SLC12A6: variants seen among roughly 807,000 people sequenced by gnomAD.
SLC12A6 encodes solute carrier family 12 member 6, also known as K-Cl cotransporter 3.
In SLC12A6, 66 loss-of-function variants were observed where a neutral mutation model predicts 135.3. The observed-to-expected ratio is 0.49, with a 90% CI of 0.40 to 0.60. The LOEUF is 0.60. Among genes scored for constraint, SLC12A6 ranks in the 20% least tolerant of loss-of-function variants. SLC12A6 has a pLI of 0.00. For missense variants in SLC12A6, 1,058 were observed against 1,452.3 expected, an observed-to-expected ratio of 0.73 and a Z score of 4.41; for synonymous variants, 513 against 508.8, an observed-to-expected ratio of 1.01 and a Z score of -0.11.
intron 3 of SLC12A6, among the ~76,000 whole-genome samples, chr15:34,270,921 T>C (rs955613777): frequency 6.6e-6 from 1 of 150,712 alleles, no homozygotes; most frequent in African/African-American, 2.4e-5. Context: ...ATAATCATGG[T>C]GGAAGGCCCC....
chr15:34,331,628 T>C (rs1889855727), intron 2 of SLC12A6, among the ~76,000 whole-genome samples: 1 of 152,218 alleles, frequency 6.6e-6, no homozygotes, highest in African/African-American at 2.4e-5. Context: ...ATATCACATA[T>C]TACACTAGGT....
rs1892675061 is a variant in SLC12A6 at position 34,255,332 on chromosome 15, C to T, written c.806G>A (p.Gly269Asp). The T allele has an allele frequency of 1.2e-6, 2 of 1,609,292 alleles. No homozygotes were observed. Among genetic ancestry groups the T allele is most frequent in the African/African-American group, 1.3e-5 (1 of 74,940 alleles). ...ALGPEFGGAV[G>D]LCFYLGTTFA... Reference sequence around the variant, plus strand: ...TGTGGTACCAAGATAAAAGCAGAGGCCAACAGCCCCACCAAACTCTGGGCC... The same window carrying T: ...TGTGGTACCAAGATAAAAGCAGAGGTCAACAGCCCCACCAAACTCTGGGCC... The change falls in exon 8 of 26, where the codon GGC becomes GAC. Residue 269 changes from glycine (G) to aspartate (D), a missense_variant. Transcript: ENST00000354181.
chr15:34,253,503 C>T (rs1417531111), intron 9 of SLC12A6, among the ~76,000 whole-genome samples: 7 of 152,208 alleles, frequency 4.6e-5, no homozygotes, highest in Non-Finnish European at 8.8e-5. Flanking sequence ...CATCATGCAG[C>T]ATAGCATAGA....
At chr15:34,257,187 C>T (rs1290724895) in intron 6 of SLC12A6, among the ~76,000 whole-genome samples, 1 of 152,072 alleles carries the variant, frequency 6.6e-6, no homozygotes, top group Non-Finnish European at 1.5e-5. Flanking sequence ...CTGGAAAGAA[C>T]ATCTAAATTT....
At chr15:34,290,357 TTC>T (rs769190007) in intron 2 of SLC12A6, among the ~76,000 whole-genome samples, 2 of 152,214 alleles carry the variant, frequency 1.3e-5, no homozygotes, top group Non-Finnish European at 2.9e-5. Context: ...TTGTTGTGAT[TTC>T]TGTTTCTTTT....
At chr15:34,285,938 GGA>G (rs1258696451) in intron 2 of SLC12A6, among the ~76,000 whole-genome samples, 2 of 151,974 alleles carry the variant, frequency 1.3e-5, no homozygotes, top group Non-Finnish European at 2.9e-5. Context: ...AGTGGAAAAT[GGA>G]GAGTTGTTCA....
chr15:34,245,802 A>G lies in SLC12A6; in HGVS notation c.1715T>C (p.Ile572Thr). Residue 572 changes from isoleucine (I) to threonine (T), a missense_variant, in exon 14 of 26, where the codon ATT becomes ACT. Physicochemically the swap from Ile to Thr is moderately conservative, Grantham distance 89. Around this residue, in one of 6 missense-constraint regions of SLC12A6, gnomAD observed 170 missense variants for 297.6 expected, o/e 0.57. Transcript: ENST00000354181. ...TGTTGAAAAGAAGGAGCCAATAACA[A>G]TCACCCATGGGGATGGCCAAGATAA... is the stretch of plus-strand genomic sequence containing the variant. ...GTLSWPSPWV[I>T]VIGSFFSTCG... is the part of the protein sequence containing the mutation. 1.2e-6 allele frequency: 2 copies of G among 1,613,652 alleles called. No individual in the cohort carries two copies. The highest frequency in any genetic ancestry group is 1.7e-6 in the Non-Finnish European group (2 of 1,179,526).
intron 2 of SLC12A6, among the ~76,000 whole-genome samples, chr15:34,284,334 A>G (rs442006): frequency 0.45 from 61,625 of 137,418 alleles, 15,603 homozygotes; most frequent in African/African-American, 0.74. Context: ...CTAGGCAGGC[A>G]CCATCTCAGC....
chr15:34,245,212 A>G (rs1891899646), intron 15 of SLC12A6, 73 bp downstream of exon 15: 2 of 865,318 alleles, frequency 2.3e-6, no homozygotes, highest in Admixed American at 1.7e-5. Flanking sequence ...CTACTGTTAT[A>G]TGACTGATGG....
At chr15:34,278,511 C>T (rs1419498654) in intron 2 of SLC12A6, among the ~76,000 whole-genome samples, 2 of 152,204 alleles carry the variant, frequency 1.3e-5, no homozygotes, top group Non-Finnish European at 2.9e-5. Flanking sequence ...TATGTATACT[C>T]TCTAGACAAG....
In SLC12A6 at chr15:34,233,818, G is replaced by T; in HGVS notation, c.*63C>A. The T allele has an allele frequency of 2.4e-6, 2 of 849,704 alleles. No individual in the cohort carries two copies. Among genetic ancestry groups the T allele is most frequent in the Non-Finnish European group, 2.1e-6 (1 of 483,978 alleles). 52.6% of individuals were successfully genotyped at this position (849,704 alleles called of 1,614,324 possible). A position where few individuals can be genotyped will look rare whatever the true frequency, so the allele number is the denominator to read the frequency against. On this transcript the variant is annotated 3_prime_UTR_variant, in exon 26 of 26. Coordinates refer to ENST00000354181, the MANE Select transcript of SLC12A6 (RefSeq NM_001365088.1). Reference sequence around the variant, plus strand: ...GAGTGGGAGTGGTAGTAATGAGCTGGCACTTCCATGGAGGACGTAGGCCTT... The same window carrying T: ...GAGTGGGAGTGGTAGTAATGAGCTGTCACTTCCATGGAGGACGTAGGCCTT...
intron 3 of SLC12A6, among the ~76,000 whole-genome samples, chr15:34,265,136 G>A (rs1049905192): frequency 4.6e-5 from 7 of 152,314 alleles, no homozygotes; most frequent in Admixed American, 3.9e-4. Context: ...GGCGGAGCTT[G>A]CAGTGAGCCG....
At chr15:34,286,779 C>T (rs57044113) in intron 2 of SLC12A6, among the ~76,000 whole-genome samples, 5,967 of 152,158 alleles carry the variant, frequency 0.039, 216 homozygotes, top group African/African-American at 0.098. Flanking sequence ...CAAAGTGAGA[C>T]TCTGTCTCAA....
At chr15:34,288,302 G>A (rs1318935850) in intron 2 of SLC12A6, among the ~76,000 whole-genome samples, 1 of 152,148 alleles carries the variant, frequency 6.6e-6, no homozygotes, top group Non-Finnish European at 1.5e-5. Context: ...TAGATGTGTG[G>A]TGTTATTTCT....
At chr15:34,310,287 A>T (rs1322527071) in intron 2 of SLC12A6, among the ~76,000 whole-genome samples, 3 of 78,144 alleles carry the variant, frequency 3.8e-5, no homozygotes, top group African/African-American at 6.3e-5. Flanking sequence ...CTGGTGTTGA[A>T]CTCCTGGGCT....
At chr15:34,275,629 T>C (rs1424144313) in intron 2 of SLC12A6, among the ~76,000 whole-genome samples, 1 of 152,146 alleles carries the variant, frequency 6.6e-6, no homozygotes, top group East Asian at 1.9e-4. Flanking sequence ...TCCAAAATAA[T>C]TGAAAACAGG....
intron 2 of SLC12A6, among the ~76,000 whole-genome samples, chr15:34,326,007 G>T (rs1438679447): frequency 6.6e-6 from 1 of 152,198 alleles, no homozygotes; most frequent in Non-Finnish European, 1.5e-5. Flanking sequence ...TTCACTAGAG[G>T]AAAGAATAGA....
intron 24 of SLC12A6, among the ~76,000 whole-genome samples, chr15:34,235,601 A>AT (rs992446784): frequency 1.3e-5 from 2 of 151,134 alleles, no homozygotes; most frequent in Non-Finnish European, 1.5e-5. Flanking sequence ...TACCCGGCTA[A>AT]TTTTTTTTGT....
Position 34,258,915 on chromosome 15 carries a change from A to C in SLC12A6, c.441T>G (p.Ser147=), listed in dbSNP as rs1595448065. 1 of 1,611,060 alleles carries C rather than the reference A, an allele frequency of 6.2e-7. No homozygotes were observed. Among genetic ancestry groups the C allele is most frequent in the Non-Finnish European group, 8.5e-7 (1 of 1,177,136 alleles). The change falls in exon 5 of 26, where the codon TCT becomes TCG. Residue 147 remains serine (S), a synonymous_variant. Transcript: ENST00000354181. The part of the protein sequence containing the change: ...EEEMDTRPKV[S]SLLNRMANYT... ...AATTGGCCATGCGGTTGAGGAGGGA[A>C]GACACCTTCGGTCTGGTGTCCATTT...
Sources: gnomAD v4.1 joint callset for allele counts (sites outside exome capture counted in the v4.1 genomes callset) on GRCh38, gnomAD v4.1.1 for gene constraint, gnomAD v4.1.1 regional missense constraint, MANE v1.5 for transcripts, NCBI Gene and HGNC (gene_info 2026-07-23, HGNC 2026-07-21) for gene names.